The following TTC29 variants were observed in gnomAD, a reference collection of about 807,000 sequenced individuals.
TTC29 encodes tetratricopeptide repeat domain 29.
In TTC29, 49 loss-of-function variants were observed where a neutral mutation model predicts 58.1. The observed-to-expected ratio is 0.84, with a 90% CI of 0.67 to 1.07. TTC29 has a LOEUF of 1.07. Ranked by LOEUF, TTC29 falls within the 50% of genes least tolerant of loss-of-function variation. The probability of loss-of-function intolerance (pLI) is 0.00; values close to 1 mark genes in which losing one functional copy is unlikely to be tolerated. For synonymous variants in TTC29, 209 were observed against 196.8 expected, an observed-to-expected ratio of 1.06 and a Z score of -0.52; for missense variants, 582 against 555.6, an observed-to-expected ratio of 1.05 and a Z score of -0.48.
chr4:146,712,734 G>T (rs1561051200), intron 11 of TTC29, among the ~76,000 whole-genome samples: 1 of 152,054 alleles, frequency 6.6e-6, no homozygotes, highest in Non-Finnish European at 1.5e-5. Flanking sequence ...CAGGGCTAAG[G>T]AGCTAATAAG....
At chr4:146,763,190 G>A (rs551862882) in intron 11 of TTC29, among the ~76,000 whole-genome samples, 3 of 152,070 alleles carry the variant, frequency 2.0e-5, no homozygotes, top group Admixed American at 2.0e-4. Flanking sequence ...CTATGCTTCT[G>A]ATGTTTCCTT....
intron 8 of TTC29, among the ~76,000 whole-genome samples, chr4:146,858,353 A>C (rs113783187): frequency 6.6e-6 from 1 of 152,218 alleles, no homozygotes; most frequent in Non-Finnish European, 1.5e-5. Context: ...AACATTGTAC[A>C]TCCAAACCTA....
intron 11 of TTC29, among the ~76,000 whole-genome samples, chr4:146,744,755 G>A (rs1052684185): frequency 7.9e-5 from 12 of 152,090 alleles, no homozygotes; most frequent in African/African-American, 2.9e-4. Flanking sequence ...AGATCTCTGA[G>A]GGCAGAGATT....
intron 8 of TTC29, among the ~76,000 whole-genome samples, chr4:146,839,387 T>A (rs1728706478): frequency 6.6e-6 from 1 of 152,166 alleles, no homozygotes; most frequent in African/African-American, 2.4e-5. Context: ...GTGATGTATA[T>A]CTCAATTACC....
chr4:146,908,545 T>A (rs1733678665), intron 5 of TTC29, among the ~76,000 whole-genome samples: 1 of 152,196 alleles, frequency 6.6e-6, no homozygotes, highest in Non-Finnish European at 1.5e-5. Flanking sequence ...TTTCATGTCT[T>A]TTTACTATTT....
rs545861294 is a variant in TTC29 at position 146,875,186 on chromosome 4, G to T, written c.587-258C>A. On this transcript the variant is annotated intron_variant, in intron 6 of 12. Transcript: ENST00000325106. ...AATTTACTGGGCTTGCATATGTTTA[G>T]AGAGGGTGTAAAAGGCCAGCAATAT... Among the ~76,000 whole-genome samples the T allele has an allele frequency of 3.3e-5, 5 of 152,264 alleles. No homozygotes were observed. In the South Asian group the frequency reaches 1.0e-3, roughly 32 times the overall value.
rs1749031688 is a variant in TTC29 at position 146,786,561 on chromosome 4, TGTACA to T, written c.1330+16891_1330+16895del. ...AAGGCAGTCTCATAGAACAGCCTTC[TGTACA>T]GTGAATTTAAACTTTAGGCTCCGAA... is the stretch of plus-strand genomic sequence containing the variant. On this transcript the variant is annotated intron_variant, in intron 11 of 12. Coordinates refer to ENST00000325106, the MANE Select transcript of TTC29 (RefSeq NM_031956.4). Among the ~76,000 whole-genome samples, 3 of 152,204 alleles carry T rather than the reference TGTACA, an allele frequency of 2.0e-5. No homozygotes were observed. The South Asian group carries it at 6.2e-4, about 32-fold the overall frequency.
intron 9 of TTC29, among the ~76,000 whole-genome samples, chr4:146,821,436 T>A (rs891670409): frequency 3.3e-5 from 5 of 151,850 alleles, no homozygotes; most frequent in African/African-American, 1.2e-4. Context: ...AAAGCTGTTT[T>A]TAAAAAAAAA....
At chr4:146,770,296 G>T (rs985643125) in intron 11 of TTC29, among the ~76,000 whole-genome samples, 9 of 151,822 alleles carry the variant, frequency 5.9e-5, no homozygotes, top group South Asian at 2.1e-4. Flanking sequence ...ATCTGAGTGG[G>T]TCTGAGCTTC....
intron 6 of TTC29, among the ~76,000 whole-genome samples, chr4:146,884,528 G>GA (rs1465698592): frequency 6.6e-6 from 1 of 152,074 alleles, no homozygotes; most frequent in Non-Finnish European, 1.5e-5. Flanking sequence ...TAGGAAGCCT[G>GA]AATGGAATAA....
chr4:146,820,685 T>C (rs1236194661), intron 9 of TTC29, among the ~76,000 whole-genome samples: 1 of 152,202 alleles, frequency 6.6e-6, no homozygotes, highest in Non-Finnish European at 1.5e-5. Context: ...AACTGATGAA[T>C]GGGTAAACAA....
In TTC29 at chr4:146,851,286, C is replaced by T. The variant is rs1013819335; in HGVS notation, c.885+16212G>A. Among the ~76,000 whole-genome samples the T allele has an allele frequency of 9.2e-5, 14 of 152,268 alleles. No homozygotes were observed. The East Asian group carries it at 1.7e-3, about 19-fold the overall frequency. On this transcript the variant is annotated intron_variant, in intron 8 of 12. Transcript: ENST00000325106. Reference sequence around the variant, plus strand: ...CATGCCACAGGTGAAGAAACTGAAGCACAAGATGGGCCAAATAACTCACTC... The same window carrying T: ...CATGCCACAGGTGAAGAAACTGAAGTACAAGATGGGCCAAATAACTCACTC...
intron 11 of TTC29, among the ~76,000 whole-genome samples, chr4:146,716,130 A>G (rs1215242931): frequency 6.6e-6 from 1 of 152,206 alleles, no homozygotes; most frequent in Non-Finnish European, 1.5e-5. Flanking sequence ...TAATTTAAAC[A>G]TTAATTTGAA....
intron 11 of TTC29, among the ~76,000 whole-genome samples, chr4:146,782,993 A>C (rs923016558): frequency 2.0e-5 from 3 of 152,058 alleles, no homozygotes; most frequent in African/African-American, 7.2e-5. Flanking sequence ...AAGCAGTTGA[A>C]GTATAACTCA....
At chr4:146,930,930 A>T (rs866833312) in intron 4 of TTC29, among the ~76,000 whole-genome samples, 17 of 152,226 alleles carry the variant, frequency 1.1e-4, no homozygotes, top group Admixed American at 9.2e-4. Context: ...TGCATTTTGC[A>T]CTGTGGTTTA....
chr4:146,901,095 G>A (rs1021118563), intron 6 of TTC29, among the ~76,000 whole-genome samples: 5 of 152,182 alleles, frequency 3.3e-5, no homozygotes, highest in Non-Finnish European at 5.9e-5. Context: ...ATTTGATGGT[G>A]TAATTACAAA....
intron 8 of TTC29, among the ~76,000 whole-genome samples, chr4:146,839,535 C>CGTGTGTGT (rs5862775): frequency 0.018 from 2,490 of 140,532 alleles, 37 homozygotes; most frequent in South Asian, 0.06. Context: ...TACATGAACT[C>CGTGTGTGT]GTGTGTGTGT....
intron 11 of TTC29, among the ~76,000 whole-genome samples, chr4:146,772,108 G>C (rs1747785434): frequency 6.6e-6 from 1 of 151,698 alleles, no homozygotes; most frequent in South Asian, 2.1e-4. Context: ...TTTGTTTTCT[G>C]CTTGTTATTT....
At chr4:146,724,516 T>C (rs1437425397) in intron 11 of TTC29, among the ~76,000 whole-genome samples, 1 of 151,960 alleles carries the variant, frequency 6.6e-6, no homozygotes, top group Admixed American at 6.6e-5. Context: ...GATTTTTATG[T>C]TCAACTTCTT....
Sources: gnomAD v4.1 joint callset for allele counts (sites outside exome capture counted in the v4.1 genomes callset) on GRCh38, gnomAD v4.1.1 for gene constraint, MANE v1.5 for transcripts, NCBI Gene and HGNC (gene_info 2026-07-23, HGNC 2026-07-21) for gene names.